The following VAV3 variants were observed in gnomAD, a reference collection of about 807,000 sequenced individuals.
The protein encoded by VAV3 is vav guanine nucleotide exchange factor 3, also known as guanine nucleotide exchange factor VAV3.
Under a neutral mutation model 131.2 loss-of-function variants are expected in VAV3, and 94 were observed. The observed-to-expected ratio is 0.72, with a 90% confidence interval of 0.61 to 0.85. VAV3 has a LOEUF of 0.85. Ranked by LOEUF, VAV3 falls within the 40% of genes least tolerant of loss-of-function variation. VAV3 has a pLI of 0.00. For synonymous variants in VAV3, 349 were observed against 342.0 expected (o/e 1.02, Z -0.22); for missense variants, 939 against 1,002.7 (o/e 0.94, Z 0.86).
chr1:107,742,656 G>C (rs1663091864), intron 15 of VAV3, among the ~76,000 whole-genome samples: 1 of 152,036 alleles, frequency 6.6e-6, no homozygotes, highest in Non-Finnish European at 1.5e-5. Context: ...GATCCACGAG[G>C]CTTTCTTTTC....
intron 15 of VAV3, among the ~76,000 whole-genome samples, chr1:107,748,282 G>A (rs1043377748): frequency 2.6e-5 from 4 of 152,144 alleles, no homozygotes; most frequent in Non-Finnish European, 5.9e-5. Flanking sequence ...TCTACAAAAA[G>A]GGTCATTGTG....
intron 25 of VAV3, among the ~76,000 whole-genome samples, chr1:107,580,355 C>T (rs1649952762): frequency 6.6e-6 from 1 of 152,150 alleles, no homozygotes; most frequent in South Asian, 2.1e-4. Context: ...GAAATATATT[C>T]GGGTTCTATT....
At chr1:107,596,773 G>C (rs1204559715) in intron 24 of VAV3, among the ~76,000 whole-genome samples, 3 of 152,122 alleles carry the variant, frequency 2.0e-5, no homozygotes, top group Non-Finnish European at 4.4e-5. Context: ...TTTCAAAATG[G>C]CAGAAAAACA....
chr1:107,669,932 C>G (rs1657661414), intron 19 of VAV3, among the ~76,000 whole-genome samples: 2 of 152,166 alleles, frequency 1.3e-5, no homozygotes, highest in South Asian at 4.1e-4. Flanking sequence ...ATCTGAGATA[C>G]ATGGCAAAAT....
intron 19 of VAV3, among the ~76,000 whole-genome samples, chr1:107,656,428 T>C (rs1218434788): frequency 3.3e-5 from 5 of 152,148 alleles, no homozygotes; most frequent in Non-Finnish European, 1.5e-5. Context: ...TTCATGAAGA[T>C]AGAGTATATT....
chr1:107,953,357 T>A (rs1193934540), intron 1 of VAV3, among the ~76,000 whole-genome samples: 1 of 152,154 alleles, frequency 6.6e-6, no homozygotes, highest in Non-Finnish European at 1.5e-5. Flanking sequence ...TTAAATATTT[T>A]CATTCTCACC....
chr1:107,770,382 T>C lies in VAV3; in HGVS notation c.648+254A>G, dbSNP rs77131399. ...ATTTGCTTACATTCTAATCCTCCCATGGGAAAAAGTGTCATGAGAATCAGA... is the reference window on the plus strand; with the variant it reads ...ATTTGCTTACATTCTAATCCTCCCACGGGAAAAAGTGTCATGAGAATCAGA... On this transcript the variant is annotated intron_variant, in intron 6 of 26. Coordinates refer to ENST00000370056, the MANE Select transcript of VAV3 (RefSeq NM_006113.5). Among the ~76,000 whole-genome samples the C allele has an allele frequency of 7.9e-3, 1,199 of 152,050 alleles. 9 individuals are homozygous for C. The highest frequency in any genetic ancestry group is 0.017 in the East Asian group (86 of 5,160).
Position 107,865,629 on chromosome 1 carries a change from C to T in VAV3, c.321+9272G>A, listed in dbSNP as rs558326055. 8.7e-4 allele frequency among the ~76,000 whole-genome samples: 133 copies of T among 152,172 alleles called. 1 individual carries two copies. The highest frequency in any genetic ancestry group is 1.7e-3 in the Admixed American group (26 of 15,282). On this transcript the variant is annotated intron_variant, in intron 2 of 26. Coordinates refer to ENST00000370056, the MANE Select transcript of VAV3 (RefSeq NM_006113.5). The stretch of plus-strand genomic sequence containing the variant: ...AGGCCTGATCATGAAGAATCTTGTG[C>T]GGCTTGTAAAAGAGTTTAGATGTTA...
At chr1:107,668,673 C>T (rs945031728) in intron 19 of VAV3, 11 of 985,286 alleles carry the variant, frequency 1.1e-5, no homozygotes, top group African/African-American at 1.7e-5. Context: ...AAACTACAGG[C>T]GTGGTCCCAG....
rs1649317162 is a variant in VAV3 at position 107,572,292 on chromosome 1, G to A, written c.*1039C>T. The A allele has an allele frequency of 6.6e-6, 1 of 152,178 alleles. No individual in the cohort carries two copies. The highest frequency in any genetic ancestry group is 2.1e-4 in the South Asian group (1 of 4,828). 9.4% of individuals were successfully genotyped at this position (152,178 alleles called of 1,614,324 possible). A position where few individuals can be genotyped will look rare whatever the true frequency, so the allele number is the denominator to read the frequency against. ...TCTTTCTGTCCCAGAAATGAATAAA[G>A]GACCCAGTTGTGCTTTCCTTCCAAA... On this transcript the variant is annotated 3_prime_UTR_variant, in exon 27 of 27. Coordinates refer to ENST00000370056, the MANE Select transcript of VAV3 (RefSeq NM_006113.5).
In VAV3 at chr1:107,728,397, T is replaced by A. The variant is rs776646133; in HGVS notation, c.1502+20571A>T. Among the ~76,000 whole-genome samples the A allele has an allele frequency of 5.3e-5, 8 of 152,230 alleles. No individual in the cohort carries two copies. In the East Asian group the frequency reaches 1.5e-3, roughly 29 times the overall value. Reference sequence around the variant, plus strand: ...TACTCTGTAGAGGAAGTCTTCTGGGTCTGACTGGATACGAAGTCTGAGACC... The same window carrying A: ...TACTCTGTAGAGGAAGTCTTCTGGGACTGACTGGATACGAAGTCTGAGACC... On this transcript the variant is annotated intron_variant, in intron 15 of 26. Transcript: ENST00000370056.
chr1:107,935,911 G>A (rs779721605), intron 1 of VAV3, among the ~76,000 whole-genome samples: 2 of 152,152 alleles, frequency 1.3e-5, no homozygotes, highest in Non-Finnish European at 2.9e-5. Flanking sequence ...GAACTACACC[G>A]ATGACAGAGG....
chr1:107,821,882 C>T lies in VAV3; in HGVS notation c.322-42390G>A, dbSNP rs189043226. On this transcript the variant is annotated intron_variant, in intron 2 of 26. Coordinates refer to ENST00000370056, the MANE Select transcript of VAV3 (RefSeq NM_006113.5). ...TCTCGTATAAAGAAAGTGATTTATT[C>T]CAAAGCTATCTTAGGGGAAGAAGTA... Among the ~76,000 whole-genome samples the T allele has an allele frequency of 3.3e-5, 5 of 152,286 alleles. No individual in the cohort carries two copies. The East Asian group carries it at 9.6e-4, about 29-fold the overall frequency.
At chr1:107,789,242 T>C in intron 2 of VAV3, among the ~76,000 whole-genome samples, 1 of 152,210 alleles carries the variant, frequency 6.6e-6, no homozygotes, top group East Asian at 1.9e-4. Flanking sequence ...CTCAGCTCGC[T>C]GTCAAAGTCA....
chr1:107,937,165 C>T (rs1251712907), intron 1 of VAV3, among the ~76,000 whole-genome samples: 1 of 152,238 alleles, frequency 6.6e-6, no homozygotes. Flanking sequence ...GACACAAAAC[C>T]ACAATATTTG....
At chr1:107,681,723 G>C (rs574264322) in intron 19 of VAV3, among the ~76,000 whole-genome samples, 6 of 150,014 alleles carry the variant, frequency 4.0e-5, no homozygotes, top group African/African-American at 1.5e-4. Flanking sequence ...GCGCGATCTC[G>C]GCTCACTGCA....
At chr1:107,811,672 T>C (rs1169028958) in intron 2 of VAV3, among the ~76,000 whole-genome samples, 2 of 152,150 alleles carry the variant, frequency 1.3e-5, no homozygotes, top group African/African-American at 2.4e-5. Context: ...AACTATTATA[T>C]AGCACCATAA....
intron 2 of VAV3, among the ~76,000 whole-genome samples, chr1:107,873,724 G>A (rs1670353882): frequency 6.6e-6 from 1 of 152,098 alleles, no homozygotes; most frequent in East Asian, 1.9e-4. Flanking sequence ...AGAGATTAAA[G>A]GAATCTTAGA....
chr1:107,628,201 G>A (rs1570640921), intron 20 of VAV3, among the ~76,000 whole-genome samples: 1 of 152,080 alleles, frequency 6.6e-6, no homozygotes, highest in Admixed American at 6.6e-5. Flanking sequence ...GAGAAAACAG[G>A]TCTCCTGTGA....
Sources: gnomAD v4.1 joint callset for allele counts (sites outside exome capture counted in the v4.1 genomes callset) on GRCh38, gnomAD v4.1.1 for gene constraint, MANE v1.5 for transcripts, NCBI Gene and HGNC (gene_info 2026-07-23, HGNC 2026-07-21) for gene names.